Variants in MOSMO observed in about 807,000 individuals in gnomAD.
MOSMO encodes modulator of smoothened.
MOSMO carries 5 observed loss-of-function variants against 18.4 expected under a neutral mutation model. The ratio of observed to expected loss-of-function variants is 0.27; its 90% confidence interval spans 0.14 to 0.57. The LOEUF (loss-of-function observed/expected upper bound fraction) is 0.57. MOSMO is among the 20% of genes least tolerant of loss of function. MOSMO has a pLI of 0.92. For synonymous variants in MOSMO, 82 were observed against 82.3 expected (o/e 1.00, Z 0.02); for missense variants, 138 against 211.8 (o/e 0.65, Z 2.16).
intron 1 of MOSMO, among the ~76,000 whole-genome samples, chr16:22,050,315 T>C (rs920129664): frequency 7.9e-5 from 12 of 152,232 alleles, no homozygotes; most frequent in Admixed American, 7.8e-4. Context: ...GTTTTAGAGA[T>C]ACCTTTCAGG....
At chr16:22,030,319 G>A (rs961932765) in intron 1 of MOSMO, among the ~76,000 whole-genome samples, 2 of 152,036 alleles carry the variant, frequency 1.3e-5, no homozygotes, top group Non-Finnish European at 2.9e-5. Flanking sequence ...TACAGTCAAC[G>A]TATTTGAAAA....
At chr16:22,068,360 G>A (rs1900786957) in intron 1 of MOSMO, among the ~76,000 whole-genome samples, 2 of 152,190 alleles carry the variant, frequency 1.3e-5, no homozygotes, top group Non-Finnish European at 2.9e-5. Flanking sequence ...CCATTTTAAA[G>A]TGTACAACTT....
intron 1 of MOSMO, among the ~76,000 whole-genome samples, chr16:22,018,819 A>G (rs1268182679): frequency 6.6e-6 from 1 of 152,212 alleles, no homozygotes; most frequent in Non-Finnish European, 1.5e-5. Flanking sequence ...ATAATGAGTA[A>G]TAAGGAAGAC....
chr16:22,077,709 C>T (rs1472218621), intron 2 of MOSMO, among the ~76,000 whole-genome samples: 1 of 152,114 alleles, frequency 6.6e-6, no homozygotes. Flanking sequence ...CCCGTGACAG[C>T]CCCACCGAGG....
At chr16:22,041,450 C>G (rs564027346) in intron 1 of MOSMO, among the ~76,000 whole-genome samples, 1 of 152,266 alleles carries the variant, frequency 6.6e-6, no homozygotes, top group East Asian at 1.9e-4. Context: ...GTCTGCAGAG[C>G]AGGACATTTT....
Position 22,036,075 on chromosome 16 carries a change from G to A in MOSMO, c.106+27668G>A, listed in dbSNP as rs897523030. 7.9e-5 allele frequency among the ~76,000 whole-genome samples: 12 copies of A among 151,996 alleles called. No individual in the cohort carries two copies. In the South Asian group the frequency reaches 1.0e-3, roughly 13 times the overall value. On this transcript the variant is annotated intron_variant, in intron 1 of 2. Transcript: ENST00000542527. ...CTAGATGTTACCTCCAGTACATGTCGAATAGAATTTGGAAAAGTAGAAATC... is the reference window on the plus strand; with the variant it reads ...CTAGATGTTACCTCCAGTACATGTCAAATAGAATTTGGAAAAGTAGAAATC...
intron 1 of MOSMO, among the ~76,000 whole-genome samples, chr16:22,018,857 A>G (rs1899695424): frequency 6.6e-6 from 1 of 152,154 alleles, no homozygotes; most frequent in Non-Finnish European, 1.5e-5. Flanking sequence ...TTGAAAAGGG[A>G]ATGGCATGAG....
chr16:22,083,452 C>T lies in MOSMO; in HGVS notation c.*2572C>T, dbSNP rs1336461336. Reference sequence around the variant, plus strand: ...GTGAAGTCAAGTCTTCGTACTCTTGCAGACCAGACATTGAAATGGATTCAT... The same window carrying T: ...GTGAAGTCAAGTCTTCGTACTCTTGTAGACCAGACATTGAAATGGATTCAT... On this transcript the variant is annotated 3_prime_UTR_variant, in exon 3 of 3. Coordinates refer to ENST00000542527, the MANE Select transcript of MOSMO (RefSeq NM_001164579.2). 7.2e-6 allele frequency: 2 copies of T among 279,004 alleles called. No homozygotes were observed. Among genetic ancestry groups the T allele is most frequent in the South Asian group, 3.4e-5 (1 of 29,592 alleles). The allele number at this position is 279,004 out of a possible 1,614,324, so 17.3% of individuals were successfully genotyped here.
chr16:22,059,900 G>C (rs532937308), intron 1 of MOSMO, among the ~76,000 whole-genome samples: 7 of 152,198 alleles, frequency 4.6e-5, no homozygotes, highest in African/African-American at 1.7e-4. Context: ...AAATTGGCCA[G>C]GTATGGTGGC....
At chr16:22,059,382 T>TTTTATATCTCTAGATATA (rs1900600253) in intron 1 of MOSMO, among the ~76,000 whole-genome samples, 1 of 152,156 alleles carries the variant, frequency 6.6e-6, no homozygotes, top group Admixed American at 6.5e-5. Context: ...CTAGAGATAA[T>TTTTATATCTCTAGATATA]AAACGTTTAT....
At chr16:22,023,525 G>A (rs979641820) in intron 1 of MOSMO, among the ~76,000 whole-genome samples, 2 of 152,140 alleles carry the variant, frequency 1.3e-5, no homozygotes, top group Admixed American at 6.5e-5. Flanking sequence ...GCCTCTGTAA[G>A]TTGCTGGGCA....
chr16:22,073,393 T>G (rs1900898311), intron 1 of MOSMO, among the ~76,000 whole-genome samples: 1 of 152,180 alleles, frequency 6.6e-6, no homozygotes, highest in Non-Finnish European at 1.5e-5. Flanking sequence ...CTTTTATAAA[T>G]GGAACAGTGA....
At chr16:22,024,523 C>G (rs992247784) in intron 1 of MOSMO, among the ~76,000 whole-genome samples, 12 of 151,952 alleles carry the variant, frequency 7.9e-5, no homozygotes, top group African/African-American at 2.9e-4. Context: ...TATGCCACCA[C>G]ACCCAGCTAA....
chr16:22,023,814 C>T (rs79586543), intron 1 of MOSMO, among the ~76,000 whole-genome samples: 11,496 of 151,520 alleles, frequency 0.076, 626 homozygotes, highest in South Asian at 0.25. Context: ...TTAGAAAATC[C>T]GTCAACTTAT....
At chr16:22,050,803 A>T (rs1475465336) in intron 1 of MOSMO, among the ~76,000 whole-genome samples, 1 of 150,974 alleles carries the variant, frequency 6.6e-6, no homozygotes, top group Admixed American at 6.6e-5. Context: ...AGGATGAGGT[A>T]GGAGGATCAC....
chr16:22,035,608 C>T lies in MOSMO; in HGVS notation c.106+27201C>T, dbSNP rs932217027. ...GTTTCTGTGGAGGTTTTGAGGTTTCCGCACCTATAACTTGTGATTTTTTGT... is the reference window on the plus strand; with the variant it reads ...GTTTCTGTGGAGGTTTTGAGGTTTCTGCACCTATAACTTGTGATTTTTTGT... On this transcript the variant is annotated intron_variant, in intron 1 of 2. Transcript: ENST00000542527. Among the ~76,000 whole-genome samples, 11 of 151,972 alleles carry T rather than the reference C, an allele frequency of 7.2e-5. No homozygotes were observed. In the East Asian group the frequency reaches 1.2e-3, roughly 16 times the overall value.
intron 1 of MOSMO, among the ~76,000 whole-genome samples, chr16:22,032,206 T>G (rs1486104565): frequency 6.7e-6 from 1 of 150,276 alleles, no homozygotes; most frequent in East Asian, 1.9e-4. Flanking sequence ...TTTTTTTTTT[T>G]GGTGAGAGAT....
intron 2 of MOSMO, chr16:22,076,323 A>G (rs929559667): frequency 1.3e-5 from 2 of 152,306 alleles, no homozygotes; most frequent in African/African-American, 4.8e-5. Flanking sequence ...TGCACAAAGA[A>G]AAGACATTTC....
chr16:22,055,953 A>G (rs1280969790), intron 1 of MOSMO, among the ~76,000 whole-genome samples: 2 of 152,224 alleles, frequency 1.3e-5, no homozygotes, highest in Admixed American at 1.3e-4. Context: ...GAGGAAGAGT[A>G]GTTAGGCAGC....
Sources: gnomAD v4.1 joint callset for allele counts (sites outside exome capture counted in the v4.1 genomes callset) on GRCh38, gnomAD v4.1.1 for gene constraint, MANE v1.5 for transcripts, NCBI Gene and HGNC (gene_info 2026-07-23, HGNC 2026-07-21) for gene names.